EDEM3: variants seen among roughly 807,000 people sequenced by gnomAD.
EDEM3 encodes ER degradation enhancing alpha-mannosidase like protein 3, also known as ER degradation-enhancing alpha-mannosidase-like protein 3.
A neutral mutation model predicts 110.2 loss-of-function variants in EDEM3; 60 were observed. The ratio of observed to expected loss-of-function variants is 0.54; its 90% CI spans 0.44 to 0.67. The LOEUF is 0.67. Ranked by LOEUF, EDEM3 falls within the 30% of genes least tolerant of loss-of-function variation. The pLI is 0.00. For synonymous variants in EDEM3, 352 were observed against 382.9 expected (o/e 0.92, Z 0.94); for missense variants, 996 against 1,121.0 (o/e 0.89, Z 1.59).
At chr1:184,736,991 T>C in intron 4 of EDEM3, 34 bp downstream of exon 4, 4 of 1,559,832 alleles carry the variant, frequency 2.6e-6, no homozygotes, top group Non-Finnish European at 3.5e-6. Context: ...GTGCATATCA[T>C]GAATAAAATA....
chr1:184,742,339 T>C (rs1056346090), intron 2 of EDEM3, among the ~76,000 whole-genome samples: 5 of 152,140 alleles, frequency 3.3e-5, no homozygotes, highest in Non-Finnish European at 5.9e-5. Flanking sequence ...GCTACTAAAT[T>C]CTGAGTTCAA....
intron 7 of EDEM3, 75 bp from the exon 8 acceptor site, chr1:184,723,931 TAACA>T: frequency 8.9e-7 from 1 of 1,122,886 alleles, no homozygotes; most frequent in South Asian, 1.6e-5. Context: ...AATAGGAAAC[TAACA>T]AACAAAACTC....
chr1:184,715,561 C>T (rs1650499752), intron 13 of EDEM3, among the ~76,000 whole-genome samples: 1 of 152,132 alleles, frequency 6.6e-6, no homozygotes, highest in Non-Finnish European at 1.5e-5. Flanking sequence ...ACATCATTGT[C>T]AAGAGCCAAT....
intron 11 of EDEM3, among the ~76,000 whole-genome samples, chr1:184,718,595 G>A (rs1437393373): frequency 1.3e-5 from 2 of 152,160 alleles, no homozygotes; most frequent in South Asian, 2.1e-4. Flanking sequence ...ACATTTCTGG[G>A]AAGCCAAAAA....
At chr1:184,723,151 A>T (rs1051897803) in intron 8 of EDEM3, among the ~76,000 whole-genome samples, 4 of 151,996 alleles carry the variant, frequency 2.6e-5, no homozygotes, top group Non-Finnish European at 5.9e-5. Flanking sequence ...AATCAAAAGG[A>T]CTAACATCTC....
At chr1:184,733,275 T>C (rs1651630366) in intron 5 of EDEM3, among the ~76,000 whole-genome samples, 2 of 152,228 alleles carry the variant, frequency 1.3e-5, no homozygotes, top group Admixed American at 1.3e-4. Flanking sequence ...ATTTAACAAA[T>C]CTAACAAATA....
intron 1 of EDEM3, among the ~76,000 whole-genome samples, chr1:184,752,136 A>G (rs1003451303): frequency 1.3e-5 from 2 of 152,358 alleles, no homozygotes; most frequent in South Asian, 2.1e-4. Context: ...TAATGAAAAC[A>G]TAACATTAAC....
intron 13 of EDEM3, 138 bp downstream of exon 13, chr1:184,716,750 T>A: frequency 7.9e-7 from 1 of 1,260,016 alleles, no homozygotes; most frequent in Non-Finnish European, 1.1e-6. Context: ...TTCAACAGAG[T>A]TTAAAAAAGT....
At chr1:184,754,455 C>G in intron 1 of EDEM3, 34 bp downstream of exon 1, 6 of 1,612,412 alleles carry the variant, frequency 3.7e-6, no homozygotes, top group Non-Finnish European at 5.1e-6. Flanking sequence ...TCAGCCTCAC[C>G]GAGAAACCCA....
At chr1:184,695,848 A>C (rs1649301492) in intron 19 of EDEM3, among the ~76,000 whole-genome samples, 2 of 151,934 alleles carry the variant, frequency 1.3e-5, no homozygotes, top group Non-Finnish European at 2.9e-5. Context: ...GGAAATGTAG[A>C]CATGCAGGAA....
At position 184,702,874 on chromosome 1, in the gene EDEM3, G is replaced by A. The variant is rs748120778; in HGVS notation, c.2326C>T (p.Leu776=). The A allele has an allele frequency of 1.9e-6, 3 of 1,613,438 alleles. 1 individual carries two copies. Among genetic ancestry groups the A allele is most frequent in the South Asian group, 2.2e-5 (2 of 91,044 alleles). The change falls in exon 19 of 20, where the codon CTG becomes TTG. Residue 776 remains leucine, a synonymous_variant. Transcript: ENST00000318130. ...FLFSKEGSII[L]DAIREYEEVE... is the part of the protein sequence containing the mutation. ...TCCTCATATTCCCGGATGGCATCCA[G>A]TATGATACTTCCTTCTTTGCTGAAT... is the stretch of plus-strand genomic sequence containing the variant.
At chr1:184,698,742 A>G (rs1043355242) in intron 19 of EDEM3, among the ~76,000 whole-genome samples, 43 of 151,724 alleles carry the variant, frequency 2.8e-4, no homozygotes, top group Non-Finnish European at 1.5e-5. Flanking sequence ...GAAAGTCACC[A>G]GGGGCCAACT....
chr1:184,740,001 CTCTT>C, intron 2 of EDEM3, among the ~76,000 whole-genome samples: 1 of 152,202 alleles, frequency 6.6e-6, no homozygotes, highest in Non-Finnish European at 1.5e-5. Flanking sequence ...CAGGGCTAGG[CTCTT>C]TAAGTTGGGT....
chr1:184,752,684 G>C (rs1189785198), intron 1 of EDEM3, among the ~76,000 whole-genome samples: 1 of 152,218 alleles, frequency 6.6e-6, no homozygotes, highest in Non-Finnish European at 1.5e-5. Flanking sequence ...GGTAGTGATA[G>C]TCAAATAAGA....
rs1043189974 is a variant in EDEM3, at chr1:184,690,463, A to T, written c.*3600T>A. 6.6e-6 allele frequency: 1 copy of T among 152,572 alleles called. No homozygotes were observed. Among genetic ancestry groups the T allele is most frequent in the South Asian group, 2.1e-4 (1 of 4,834 alleles). The allele number at this position is 152,572 out of a possible 1,614,324, so 9.5% of individuals were successfully genotyped here. A position where few individuals can be genotyped will look rare whatever the true frequency, so the allele number is the denominator to read the frequency against. On this transcript the variant is annotated 3_prime_UTR_variant, in exon 20 of 20. Coordinates refer to ENST00000318130, the MANE Select transcript of EDEM3 (RefSeq NM_025191.4). Reference sequence around the variant, plus strand: ...AACATCAAGACATAAAAGTATGAGGATATGCACAGTGATTCTAAAAATTCA... The same window carrying T: ...AACATCAAGACATAAAAGTATGAGGTTATGCACAGTGATTCTAAAAATTCA...
chr1:184,723,766 C>A lies in EDEM3; in HGVS notation c.838G>T (p.Asp280Tyr), dbSNP rs752166852. ...ACTTACATACCTTTTCGTACCCAAT[C>A]TCCAGTATGAATATTTATAGTCACG... ...VGVTINIHTGDWVRKDSGVGA... is the reference protein window; with the variant it reads ...VGVTINIHTGYWVRKDSGVGA... Residue 280 changes from aspartate to tyrosine, a missense_variant, in exon 8 of 20, where the codon GAT becomes TAT. Physicochemically the swap from Asp to Tyr is radical, Grantham distance 160. This residue lies in a region of EDEM3 where 310 missense variants were observed against 394.6 expected (regional missense o/e 0.79). Coordinates refer to ENST00000318130, the MANE Select transcript of EDEM3 (RefSeq NM_025191.4). The A allele has an allele frequency of 4.1e-5, 66 of 1,598,130 alleles. No individual in the cohort carries two copies. The highest frequency in any genetic ancestry group is 8.5e-7 in the Non-Finnish European group (1 of 1,175,122).
intron 15 of EDEM3, 44 bp downstream of exon 15, chr1:184,711,679 A>T: frequency 6.6e-7 from 1 of 1,510,940 alleles, no homozygotes; most frequent in Non-Finnish European, 8.9e-7. Context: ...TCATTTACTA[A>T]GAAACAACTT....
intron 5 of EDEM3, among the ~76,000 whole-genome samples, chr1:184,733,315 G>A (rs1262905592): frequency 6.6e-6 from 1 of 151,992 alleles, no homozygotes; most frequent in Non-Finnish European, 1.5e-5. Context: ...TAAAAATTTA[G>A]TTGTATCACC....
intron 15 of EDEM3, among the ~76,000 whole-genome samples, chr1:184,711,141 C>A (rs1315573409): frequency 1.3e-5 from 2 of 152,058 alleles, no homozygotes; most frequent in Non-Finnish European, 2.9e-5. Context: ...TCTTGTCACC[C>A]AGACTGGAGT....
Sources: allele counts gnomAD v4.1 joint callset (sites outside exome capture counted in the v4.1 genomes callset), GRCh38; gene constraint gnomAD v4.1.1; regional missense constraint gnomAD v4.1.1; transcripts MANE v1.5; gene names NCBI Gene and HGNC (gene_info 2026-07-23, HGNC 2026-07-21).